Variants in SAMD13 observed in about 807,000 individuals in gnomAD.
SAMD13 encodes the protein sterile alpha motif domain-containing protein 13.
SAMD13 carries 9 observed loss-of-function variants against 12.4 expected under a neutral mutation model. The ratio of observed to expected loss-of-function variants is 0.72; its 90% CI spans 0.44 to 1.26. The LOEUF (loss-of-function observed/expected upper bound fraction) is 1.26. SAMD13 is among the 50% of genes most tolerant of loss of function. The pLI, the probability that SAMD13 is intolerant of heterozygous loss-of-function variation, is 0.00. For synonymous variants in SAMD13, 46 were observed against 45.4 expected (o/e 1.01, Z -0.05); for missense variants, 84 against 119.6 (o/e 0.70, Z 1.39).
rs1441878279 is a variant in SAMD13 at position 84,350,241 on chromosome 1, T to C, written c.*467T>C. 1 of 152,704 alleles carries C rather than the reference T, an allele frequency of 6.5e-6. No individual in the cohort carries two copies. Among genetic ancestry groups the C allele is most frequent in the Non-Finnish European group, 1.5e-5 (1 of 68,434 alleles). The allele number at this position is 152,704 out of a possible 1,614,324, so 9.5% of individuals were successfully genotyped here. A position where few individuals can be genotyped will look rare whatever the true frequency, so the allele number is the denominator to read the frequency against. On this transcript the variant is annotated 3_prime_UTR_variant, in exon 4 of 4. Coordinates refer to ENST00000394834, the MANE Select transcript of SAMD13 (RefSeq NM_001134663.2). ...CTCTGTTCCTTAGAGCTTGTGTTAC[T>C]TGGACGGAATTGCCAACACCCTTTT... is the stretch of plus-strand genomic sequence containing the variant.
chr1:84,338,349 G>A (rs1285019451), intron 3 of SAMD13, among the ~76,000 whole-genome samples: 1 of 151,772 alleles, frequency 6.6e-6, no homozygotes, highest in Admixed American at 6.6e-5. Flanking sequence ...AACCATGGAG[G>A]AAGGCAAGGA....
At position 84,345,617 on chromosome 1, in the gene SAMD13, A is replaced by G. The variant is rs79467493; in HGVS notation, c.166-4014A>G. Among the ~76,000 whole-genome samples, 30 of 152,196 alleles carry G rather than the reference A, an allele frequency of 2.0e-4. 1 individual carries two copies. The East Asian group carries it at 5.6e-3, about 28-fold the overall frequency. ...TCATAAATTCCATTGACTTCTCTTCAATGTGTTTTTCCTGCCCTACCTTGC... is the reference window on the plus strand; with the variant it reads ...TCATAAATTCCATTGACTTCTCTTCGATGTGTTTTTCCTGCCCTACCTTGC... On this transcript the variant is annotated intron_variant, in intron 3 of 3. Coordinates refer to ENST00000394834, the MANE Select transcript of SAMD13 (RefSeq NM_001134663.2).
intron 2 of SAMD13, among the ~76,000 whole-genome samples, chr1:84,312,988 T>C (rs1198179862): frequency 6.6e-6 from 1 of 152,062 alleles, no homozygotes; most frequent in African/African-American, 2.4e-5. Context: ...TAGATAGACA[T>C]GATTATTATT....
chr1:84,334,092 C>T (rs1251238875), intron 3 of SAMD13, among the ~76,000 whole-genome samples: 1 of 152,050 alleles, frequency 6.6e-6, no homozygotes, highest in East Asian at 1.9e-4. Context: ...AGGAGTCCCT[C>T]CTCCTAAATT....
intron 2 of SAMD13, among the ~76,000 whole-genome samples, chr1:84,314,591 C>T (rs1243672952): frequency 6.6e-6 from 1 of 152,122 alleles, no homozygotes; most frequent in African/African-American, 2.4e-5. Context: ...GTCCCCACAG[C>T]CTCACTGCCC....
chr1:84,332,456 T>C (rs1679212025), intron 3 of SAMD13, among the ~76,000 whole-genome samples: 1 of 152,214 alleles, frequency 6.6e-6, no homozygotes, highest in Non-Finnish European at 1.5e-5. Context: ...TGTCTCGTTG[T>C]TTTGATTTGC....
upstream of SAMD13, chr1:84,299,562 C>G: frequency 4.7e-6 from 7 of 1,475,862 alleles, no homozygotes; most frequent in Non-Finnish European, 4.5e-6. Flanking sequence ...ACACATCACA[C>G]TCACATACTT....
chr1:84,306,865 A>G (rs1678591314), intron 2 of SAMD13, among the ~76,000 whole-genome samples: 1 of 151,058 alleles, frequency 6.6e-6, no homozygotes, highest in South Asian at 2.1e-4. Context: ...AAAATAAAAT[A>G]AGAAAAAGTA....
At chr1:84,343,242 T>C (rs1679466522) in intron 3 of SAMD13, among the ~76,000 whole-genome samples, 1 of 152,178 alleles carries the variant, frequency 6.6e-6, no homozygotes, top group Admixed American at 6.5e-5. Flanking sequence ...AGGAATGCTT[T>C]TACACTGTTG....
chr1:84,305,846 G>T (rs1678558007), intron 2 of SAMD13, among the ~76,000 whole-genome samples: 1 of 152,024 alleles, frequency 6.6e-6, no homozygotes, highest in Non-Finnish European at 1.5e-5. Flanking sequence ...GTATTCCATT[G>T]ATCTTTTTGC....
intron 2 of SAMD13, among the ~76,000 whole-genome samples, chr1:84,315,789 A>G (rs1362159385): frequency 3.3e-5 from 5 of 152,182 alleles, no homozygotes; most frequent in African/African-American, 4.8e-5. Flanking sequence ...TGAGGAATCT[A>G]CAGTTCCATA....
At chr1:84,325,947 C>T (rs761340209) in intron 3 of SAMD13, among the ~76,000 whole-genome samples, 199 bp downstream of exon 3, 12 of 152,060 alleles carry the variant, frequency 7.9e-5, no homozygotes, top group African/African-American at 1.4e-4. Context: ...AACTCAAAGC[C>T]GGAGACAGTG....
chr1:84,303,407 A>G (rs1008364848), intron 2 of SAMD13, 120 bp downstream of exon 2: 6 of 726,720 alleles, frequency 8.3e-6, no homozygotes, highest in Non-Finnish European at 1.4e-5. Flanking sequence ...TGGTTTGTCT[A>G]CACTGGCCAG....
intron 2 of SAMD13, among the ~76,000 whole-genome samples, chr1:84,317,970 C>A (rs912442205): frequency 6.6e-6 from 1 of 152,016 alleles, no homozygotes; most frequent in African/African-American, 2.4e-5. Context: ...GTTGGTAGAC[C>A]TGTAACTATT....
At chr1:84,325,431 A>G (rs1471921761) in intron 2 of SAMD13, among the ~76,000 whole-genome samples, 1 of 152,130 alleles carries the variant, frequency 6.6e-6, no homozygotes, top group Non-Finnish European at 1.5e-5. Flanking sequence ...TCACTGGACC[A>G]CTCTCAATGT....
chr1:84,337,258 C>T (rs1679318833), intron 3 of SAMD13, among the ~76,000 whole-genome samples: 1 of 152,140 alleles, frequency 6.6e-6, no homozygotes, highest in African/African-American at 2.4e-5. Flanking sequence ...TGGGAGCTCC[C>T]ACCCCACATT....
chr1:84,310,136 A>G (rs767186006), intron 2 of SAMD13, among the ~76,000 whole-genome samples: 3 of 152,116 alleles, frequency 2.0e-5, no homozygotes, highest in Non-Finnish European at 4.4e-5. Flanking sequence ...GGTAAAATAA[A>G]TTTTAATAAT....
At chr1:84,316,837 T>C (rs1282881119) in intron 2 of SAMD13, among the ~76,000 whole-genome samples, 1 of 152,138 alleles carries the variant, frequency 6.6e-6, no homozygotes, top group Non-Finnish European at 1.5e-5. Flanking sequence ...AAATCTTCCA[T>C]CCATGAACTT....
chr1:84,299,102 G>C (rs1019563824), upstream of SAMD13, among the ~76,000 whole-genome samples: 2 of 152,060 alleles, frequency 1.3e-5, no homozygotes, highest in African/African-American at 4.8e-5. Context: ...CCCCTGAGAC[G>C]CCATTCCCGG....
Sources: allele counts gnomAD v4.1 joint callset (sites outside exome capture counted in the v4.1 genomes callset), GRCh38; gene constraint gnomAD v4.1.1; transcripts MANE v1.5; gene names NCBI Gene and HGNC (gene_info 2026-07-23, HGNC 2026-07-21).